Variants in LINGO2 observed in about 807,000 individuals in gnomAD.
The protein encoded by LINGO2 is leucine-rich repeat and immunoglobulin-like domain-containing nogo receptor-interacting protein 2.
Under a neutral mutation model 30.6 loss-of-function variants are expected in LINGO2, and 14 were observed. The ratio of observed to expected loss-of-function variants is 0.46; its 90% CI spans 0.30 to 0.72. LINGO2 has a LOEUF of 0.72. Among genes scored for constraint, LINGO2 ranks in the 30% least tolerant of loss-of-function variants. LINGO2 has a pLI of 0.07. For synonymous variants in LINGO2, 317 were observed against 288.5 expected, an observed-to-expected ratio of 1.10 and a Z score of -1.00; for missense variants, 729 against 751.7, an observed-to-expected ratio of 0.97 and a Z score of 0.35.
At chr9:29,058,105 C>T in the LINGO2 span, among the ~76,000 whole-genome samples, 3 of 151,850 alleles carry the variant, frequency 2.0e-5, no homozygotes, top group Non-Finnish European at 4.4e-5. Flanking sequence ...TAACCTATAG[C>T]AAGGAGAACA....
the LINGO2 span, among the ~76,000 whole-genome samples, chr9:28,919,561 T>A: frequency 6.6e-6 from 1 of 152,110 alleles, no homozygotes; most frequent in East Asian, 1.9e-4. Flanking sequence ...GTATCTTTTG[T>A]GCAAAATGAC....
chr9:28,556,786 T>G (rs1226202583), intron 1 of LINGO2, among the ~76,000 whole-genome samples: 1 of 151,976 alleles, frequency 6.6e-6, no homozygotes. Context: ...ATGGTACTGG[T>G]ACCAAAACAG....
At chr9:28,389,089 T>C (rs938314238) in intron 2 of LINGO2, among the ~76,000 whole-genome samples, 5 of 152,178 alleles carry the variant, frequency 3.3e-5, no homozygotes, top group African/African-American at 9.6e-5. Flanking sequence ...TACCTTAAAA[T>C]GTAGCTACAG....
intron 1 of LINGO2, among the ~76,000 whole-genome samples, chr9:28,566,204 G>C (rs938817464): frequency 1.3e-5 from 2 of 152,004 alleles, no homozygotes; most frequent in Non-Finnish European, 2.9e-5. Context: ...GCAACAAAGG[G>C]GACAACCAAG....
intron 2 of LINGO2, among the ~76,000 whole-genome samples, chr9:28,380,403 T>TTTTTTC (rs1554713845): frequency 4.2e-4 from 63 of 150,468 alleles, no homozygotes; most frequent in South Asian, 1.5e-3. Context: ...TTTTTTTTTT[T>TTTTTTC]CCAATGGTAA....
At chr9:28,153,194 CA>C (rs1484139884) in intron 4 of LINGO2, among the ~76,000 whole-genome samples, 1 of 151,966 alleles carries the variant, frequency 6.6e-6, no homozygotes, top group Non-Finnish European at 1.5e-5. Flanking sequence ...AAATAAATAT[CA>C]ATAATTTTGA....
chr9:28,968,317 T>G, the LINGO2 span, among the ~76,000 whole-genome samples: 1 of 152,152 alleles, frequency 6.6e-6, no homozygotes, highest in Non-Finnish European at 1.5e-5. Context: ...TCCTTTTACT[T>G]TGTTACAAAG....
the LINGO2 span, among the ~76,000 whole-genome samples, chr9:28,701,488 C>A: frequency 6.6e-6 from 1 of 151,952 alleles, no homozygotes; most frequent in Admixed American, 6.6e-5. Context: ...TATTTCTGTG[C>A]TCTCTATTCT....
At chr9:28,897,566 T>G in the LINGO2 span, among the ~76,000 whole-genome samples, 2 of 152,158 alleles carry the variant, frequency 1.3e-5, no homozygotes, top group African/African-American at 2.4e-5. Context: ...CAGTAAGGAC[T>G]GGTAAAATAT....
chr9:27,989,942 A>AAAGAG, intron 5 of LINGO2, among the ~76,000 whole-genome samples: 1 of 152,148 alleles, frequency 6.6e-6, no homozygotes, highest in South Asian at 2.1e-4. Context: ...AAAGAAGGAA[A>AAAGAG]AAGAGAAGAG....
the LINGO2 span, among the ~76,000 whole-genome samples, chr9:28,730,690 A>G: frequency 6.6e-6 from 1 of 152,212 alleles, no homozygotes; most frequent in South Asian, 2.1e-4. Flanking sequence ...CTGTATAAAA[A>G]GAAGTTTTAT....
intron 2 of LINGO2, among the ~76,000 whole-genome samples, chr9:28,383,693 T>C (rs1821450511): frequency 6.6e-6 from 1 of 152,106 alleles, no homozygotes; most frequent in African/African-American, 2.4e-5. Context: ...TGACATTTAG[T>C]AATGTAATTC....
At chr9:29,009,279 AG>A in the LINGO2 span, among the ~76,000 whole-genome samples, 1 of 152,222 alleles carries the variant, frequency 6.6e-6, no homozygotes, top group African/African-American at 2.4e-5. Flanking sequence ...GTATATTTAG[AG>A]AACCCCATTG....
intron 1 of LINGO2, among the ~76,000 whole-genome samples, chr9:28,660,592 T>G (rs1244069796): frequency 2.0e-5 from 3 of 150,730 alleles, no homozygotes; most frequent in South Asian, 4.2e-4. Flanking sequence ...AGCAAAATAA[T>G]GATAATAAAA....
the LINGO2 span, among the ~76,000 whole-genome samples, chr9:28,882,780 C>A: frequency 6.6e-6 from 1 of 152,136 alleles, no homozygotes; most frequent in Non-Finnish European, 1.5e-5. Context: ...CTATCCTTTG[C>A]TGCTGATACT....
At chr9:28,611,744 G>A (rs1825922939) in intron 1 of LINGO2, among the ~76,000 whole-genome samples, 1 of 151,624 alleles carries the variant, frequency 6.6e-6, no homozygotes, top group Non-Finnish European at 1.5e-5. Context: ...GTATTTCATT[G>A]CATATGTGTG....
At chr9:28,244,075 A>C (rs930660448) in intron 4 of LINGO2, among the ~76,000 whole-genome samples, 2 of 148,354 alleles carry the variant, frequency 1.3e-5, no homozygotes, top group African/African-American at 5.1e-5. Flanking sequence ...CATAATTGGA[A>C]GTAAAACACT....
At chr9:29,206,168 A>T in the LINGO2 span, among the ~76,000 whole-genome samples, 1 of 152,034 alleles carries the variant, frequency 6.6e-6, no homozygotes, top group Non-Finnish European at 1.5e-5. Context: ...TCTTTAAAAG[A>T]CAGAGTCATT....
rs10812725 is a variant in LINGO2, at chr9:28,018,829, C to T, written c.-86-6424G>A. On this transcript the variant is annotated intron_variant, in intron 4 of 5. Transcript: ENST00000379992. ...CAGAATTACCATTTGACCCAGCAAC[C>T]CATTATTGGGTATATACGCAAAGAA... 0.014 allele frequency among the ~76,000 whole-genome samples: 2,064 copies of T among 152,188 alleles called. 223 individuals are homozygous for T. The East Asian group carries it at 0.28, about 21-fold the overall frequency.
Sources: gnomAD v4.1 joint callset for allele counts (sites outside exome capture counted in the v4.1 genomes callset) on GRCh38, gnomAD v4.1.1 for gene constraint, MANE v1.5 for transcripts, NCBI Gene and HGNC (gene_info 2026-07-23, HGNC 2026-07-21) for gene names.